Variants in CHSY3 observed in about 807,000 individuals in gnomAD.
CHSY3 encodes N-acetylgalactosaminyl-proteoglycan 3-beta-glucuronosyltransferase 3.
Under a neutral mutation model 67.2 loss-of-function variants are expected in CHSY3, and 35 were observed. The ratio of observed to expected loss-of-function variants is 0.52; its 90% CI spans 0.40 to 0.69. The LOEUF (loss-of-function observed/expected upper bound fraction) is 0.69, where lower values mean the gene tolerates loss of function less well. Ranked by LOEUF, CHSY3 falls within the 30% of genes least tolerant of loss-of-function variation. The pLI is 0.00. For synonymous variants in CHSY3, 474 were observed against 434.7 expected, an observed-to-expected ratio of 1.09 and a Z score of -1.12; for missense variants, 1,069 against 1,138.5, an observed-to-expected ratio of 0.94 and a Z score of 0.88.
intron 2 of CHSY3, among the ~76,000 whole-genome samples, chr5:129,963,908 A>G (rs1182135873): frequency 6.6e-6 from 1 of 151,762 alleles, no homozygotes; most frequent in Non-Finnish European, 1.5e-5. Flanking sequence ...GTGTACATGT[A>G]TCTATATGTA....
chr5:129,904,778 C>A lies in CHSY3; in HGVS notation c.-52C>A, dbSNP rs563936951. ...AGGGGCGGGTGTGAGCCGGGGAAAC[C>A]GCGTGCCGCGCCGCGACAGCCCAGC... On this transcript the variant is annotated 5_prime_UTR_variant, in exon 1 of 3. Transcript: ENST00000305031. 2.3e-4 allele frequency: 308 copies of A among 1,311,350 alleles called. No individual in the cohort carries two copies. The highest frequency in any genetic ancestry group is 2.0e-4 in the Non-Finnish European group (206 of 1,031,216). 81.2% of individuals were successfully genotyped at this position (1,311,350 alleles called of 1,614,324 possible). A position where few individuals can be genotyped will look rare whatever the true frequency, so the allele number is the denominator to read the frequency against.
chr5:129,982,762 A>G (rs192212756), intron 2 of CHSY3, among the ~76,000 whole-genome samples: 32 of 152,184 alleles, frequency 2.1e-4, no homozygotes, highest in Middle Eastern at 3.5e-3. Flanking sequence ...ACACTGAGAT[A>G]AAATTGAGTA....
intron 2 of CHSY3, among the ~76,000 whole-genome samples, chr5:130,171,776 C>G (rs550929428): frequency 6.6e-6 from 1 of 152,232 alleles, no homozygotes; most frequent in East Asian, 1.9e-4. Flanking sequence ...TCAACCAAGA[C>G]TGAACTAACT....
intron 2 of CHSY3, among the ~76,000 whole-genome samples, chr5:130,100,092 G>A (rs1317698756): frequency 1.3e-5 from 2 of 152,090 alleles, no homozygotes; most frequent in African/African-American, 2.4e-5. Context: ...ATTAATGAGG[G>A]AATATTTTTA....
At chr5:130,062,034 G>A (rs143714657) in intron 2 of CHSY3, among the ~76,000 whole-genome samples, 13 of 152,030 alleles carry the variant, frequency 8.6e-5, no homozygotes, top group South Asian at 2.1e-4. Flanking sequence ...CCCAGCAACC[G>A]CCACTACTGG....
chr5:130,066,566 T>C (rs1765891361), intron 2 of CHSY3, among the ~76,000 whole-genome samples: 2 of 152,076 alleles, frequency 1.3e-5, no homozygotes, highest in Non-Finnish European at 2.9e-5. Context: ...TGAGAAAAAA[T>C]TAAGCATAGC....
At chr5:130,181,968 T>C (rs1032916766) in intron 2 of CHSY3, among the ~76,000 whole-genome samples, 3 of 145,422 alleles carry the variant, frequency 2.1e-5, no homozygotes, top group African/African-American at 7.6e-5. Context: ...CTACGAAAAT[T>C]ATTCTATATA....
At chr5:130,150,254 A>G (rs772356921) in intron 2 of CHSY3, among the ~76,000 whole-genome samples, 56 of 152,156 alleles carry the variant, frequency 3.7e-4, no homozygotes, top group Non-Finnish European at 8.8e-5. Flanking sequence ...TTTAGGTCTA[A>G]CAATATCATT....
chr5:129,931,851 G>A (rs1490415815), intron 2 of CHSY3, among the ~76,000 whole-genome samples: 1 of 151,916 alleles, frequency 6.6e-6, no homozygotes, highest in East Asian at 1.9e-4. Flanking sequence ...TCCCTAAATT[G>A]TGTCATATAA....
intron 2 of CHSY3, among the ~76,000 whole-genome samples, chr5:129,948,207 T>G (rs1405006022): frequency 6.6e-6 from 1 of 152,100 alleles, no homozygotes; most frequent in Non-Finnish European, 1.5e-5. Context: ...TTCCATAGGT[T>G]TTTGGGGAAC....
In CHSY3 at chr5:130,186,353, T is replaced by A. The variant is rs192535615; in HGVS notation, c.*562T>A. On this transcript the variant is annotated 3_prime_UTR_variant, in exon 3 of 3. Transcript: ENST00000305031. ...TGAATACCTATGATTGTATGTTTAT[T>A]TTTTAAAAAAAGTTTTAAAAATTGA... 8 of 152,816 alleles carry A rather than the reference T, an allele frequency of 5.2e-5. No individual in the cohort carries two copies. In the East Asian group the frequency reaches 1.5e-3, roughly 29 times the overall value. The allele number at this position is 152,816 out of a possible 1,614,324, so 9.5% of individuals were successfully genotyped here.
chr5:130,076,486 T>C (rs989805711), intron 2 of CHSY3, among the ~76,000 whole-genome samples: 1 of 152,012 alleles, frequency 6.6e-6, no homozygotes, highest in African/African-American at 2.4e-5. Flanking sequence ...CTGCGTCTTA[T>C]ACAGTAAAAT....
chr5:130,140,987 G>T, intron 2 of CHSY3: 1 of 558,374 alleles, frequency 1.8e-6, no homozygotes. Context: ...GAAGGCCCTT[G>T]GAAATGCCAA....
intron 2 of CHSY3, among the ~76,000 whole-genome samples, chr5:130,177,343 C>G (rs1770087076): frequency 6.6e-6 from 1 of 151,930 alleles, no homozygotes; most frequent in South Asian, 2.1e-4. Flanking sequence ...TTCTGACCTG[C>G]TGAAATATCT....
chr5:130,164,129 G>GT lies in CHSY3; in HGVS notation c.1087-20095dup, dbSNP rs1311105620. Among the ~76,000 whole-genome samples the GT allele has an allele frequency of 2.6e-5, 4 of 152,128 alleles. No individual in the cohort carries two copies. The East Asian group carries it at 7.7e-4, about 29-fold the overall frequency. The stretch of plus-strand genomic sequence containing the variant: ...AGAGCCCTGTTAATATGTCCTTCTG[G>GT]TTTTTCCTGGGCCTCTCTCTGATTT... On this transcript the variant is annotated intron_variant, in intron 2 of 2. Transcript: ENST00000305031.
chr5:130,147,652 A>G (rs1769110212), intron 2 of CHSY3, among the ~76,000 whole-genome samples: 1 of 152,164 alleles, frequency 6.6e-6, no homozygotes, highest in African/African-American at 2.4e-5. Flanking sequence ...TAGAGGAAGC[A>G]TGGTGCTCGG....
Position 130,172,688 on chromosome 5 carries a change from G to A in CHSY3, c.1087-11541G>A, listed in dbSNP as rs373461015. Among the ~76,000 whole-genome samples, 324 of 152,194 alleles carry A rather than the reference G, an allele frequency of 2.1e-3. 6 individuals carry two copies. The South Asian group carries it at 0.036, about 17-fold the overall frequency. ...AGTATCAGCTATATTAATGTGCTAC[G>A]CAATGTTTCTGTAGAACTTTTTAAT... On this transcript the variant is annotated intron_variant, in intron 2 of 2. Coordinates refer to ENST00000305031, the MANE Select transcript of CHSY3 (RefSeq NM_175856.5).
At position 130,154,638 on chromosome 5, in the gene CHSY3, A is replaced by G. The variant is rs971617973; in HGVS notation, c.1087-29591A>G. 6.6e-5 allele frequency among the ~76,000 whole-genome samples: 10 copies of G among 152,336 alleles called. No individual in the cohort carries two copies. The East Asian group carries it at 1.5e-3, about 24-fold the overall frequency. ...TGTGTCTTCTTCAATTCTGGTGGTT[A>G]TGTAGCACATAGTGGATGTTCATTA... is the stretch of plus-strand genomic sequence containing the variant. On this transcript the variant is annotated intron_variant, in intron 2 of 2. Coordinates refer to ENST00000305031, the MANE Select transcript of CHSY3 (RefSeq NM_175856.5).
At chr5:129,974,349 C>T (rs2149616217) in intron 2 of CHSY3, among the ~76,000 whole-genome samples, 1 of 152,214 alleles carries the variant, frequency 6.6e-6, no homozygotes, top group African/African-American at 2.4e-5. Context: ...CTTGGTGATA[C>T]TGCGACCTTT....
Sources: allele counts gnomAD v4.1 joint callset (sites outside exome capture counted in the v4.1 genomes callset), GRCh38; gene constraint gnomAD v4.1.1; transcripts MANE v1.5; gene names NCBI Gene and HGNC (gene_info 2026-07-23, HGNC 2026-07-21).